XRCC4: variants seen among roughly 807,000 people sequenced by gnomAD.
XRCC4 encodes X-ray repair cross complementing 4, also known as DNA repair protein XRCC4.
A neutral mutation model predicts 39.1 loss-of-function variants in XRCC4; 28 were observed. The observed-to-expected ratio is 0.72, with a 90% CI of 0.53 to 0.98. XRCC4 has a LOEUF of 0.98. Among genes scored for constraint, XRCC4 ranks in the 50% least tolerant of loss-of-function variants. The probability of loss-of-function intolerance (pLI) is 0.00; values close to 1 mark genes in which losing one functional copy is unlikely to be tolerated. For synonymous variants in XRCC4, 123 were observed against 126.4 expected (o/e 0.97, Z 0.18); for missense variants, 350 against 376.4 (o/e 0.93, Z 0.58).
intron 7 of XRCC4, among the ~76,000 whole-genome samples, chr5:83,351,653 A>C (rs2112235528): frequency 6.6e-6 from 1 of 152,200 alleles, no homozygotes; most frequent in Admixed American, 6.5e-5. Context: ...AACATCGCAA[A>C]TCCCAGAGGG....
At chr5:83,257,757 A>T (rs906230576) in intron 6 of XRCC4, among the ~76,000 whole-genome samples, 1 of 152,136 alleles carries the variant, frequency 6.6e-6, no homozygotes, top group Non-Finnish European at 1.5e-5. Flanking sequence ...TTGCAGCTCT[A>T]TTTACAATAG....
the XRCC4 span, among the ~76,000 whole-genome samples, chr5:83,362,626 C>A: frequency 6.6e-6 from 1 of 152,086 alleles, no homozygotes; most frequent in Non-Finnish European, 1.5e-5. Flanking sequence ...ATACCAAATA[C>A]TGCCATTTCT....
At chr5:83,323,604 A>G (rs1756148150) in intron 7 of XRCC4, among the ~76,000 whole-genome samples, 1 of 151,886 alleles carries the variant, frequency 6.6e-6, no homozygotes, top group Non-Finnish European at 1.5e-5. Context: ...TTTTTGATTA[A>G]TACAAATTTT....
intron 3 of XRCC4, among the ~76,000 whole-genome samples, chr5:83,148,499 T>G (rs1282264084): frequency 6.6e-6 from 1 of 152,106 alleles, no homozygotes; most frequent in Non-Finnish European, 1.5e-5. Flanking sequence ...TCTGGGAGAG[T>G]TATTCTTTGA....
At chr5:83,182,042 T>G (rs1750229871) in intron 3 of XRCC4, among the ~76,000 whole-genome samples, 1 of 152,140 alleles carries the variant, frequency 6.6e-6, no homozygotes, top group Non-Finnish European at 1.5e-5. Flanking sequence ...ACAACTCCCT[T>G]TCCCCAAACA....
At chr5:83,142,446 T>C (rs888415428) in intron 3 of XRCC4, among the ~76,000 whole-genome samples, 5 of 152,266 alleles carry the variant, frequency 3.3e-5, no homozygotes, top group African/African-American at 1.2e-4. Flanking sequence ...TACAATACTA[T>C]ATATCATGTC....
At chr5:83,224,028 A>G (rs1561415589) in intron 6 of XRCC4, among the ~76,000 whole-genome samples, 3 of 151,928 alleles carry the variant, frequency 2.0e-5, no homozygotes, top group Non-Finnish European at 4.4e-5. Context: ...ATTGATGGAC[A>G]TTTGGGTTGG....
Position 83,262,078 on chromosome 5 carries a change from T to G in XRCC4, c.893+3401T>G, listed in dbSNP as rs971157918. On this transcript the variant is annotated intron_variant, in intron 7 of 7. Coordinates refer to ENST00000396027, the MANE Select transcript of XRCC4 (RefSeq NM_003401.5). ...GACAAGGTATAGAAGGAGAGAGAGATATAAAAATAAATCAGAATTTTGATA... is the reference window on the plus strand; with the variant it reads ...GACAAGGTATAGAAGGAGAGAGAGAGATAAAAATAAATCAGAATTTTGATA... Among the ~76,000 whole-genome samples the G allele has an allele frequency of 9.2e-5, 14 of 152,130 alleles. No individual in the cohort carries two copies. In the East Asian group the frequency reaches 2.7e-3, roughly 29 times the overall value.
At chr5:83,236,183 C>A (rs1752680268) in intron 6 of XRCC4, among the ~76,000 whole-genome samples, 1 of 152,040 alleles carries the variant, frequency 6.6e-6, no homozygotes, top group Admixed American at 6.6e-5. Context: ...TATCAAAATA[C>A]CAATGACATA....
intron 6 of XRCC4, among the ~76,000 whole-genome samples, chr5:83,225,799 C>A (rs7711825): frequency 0.27 from 40,623 of 151,242 alleles, 9,776 homozygotes; most frequent in East Asian, 0.65. Context: ...GCCTCTGCTA[C>A]GAGATAGTGA....
chr5:83,330,742 T>C (rs1756412956), intron 7 of XRCC4, among the ~76,000 whole-genome samples: 1 of 152,042 alleles, frequency 6.6e-6, no homozygotes, highest in Non-Finnish European at 1.5e-5. Context: ...GTATCAAATA[T>C]TACATAAAAT....
chr5:83,281,870 C>A (rs893581506), intron 7 of XRCC4, among the ~76,000 whole-genome samples: 3 of 152,138 alleles, frequency 2.0e-5, no homozygotes, highest in African/African-American at 7.2e-5. Flanking sequence ...GTATTCCCCC[C>A]AAAAAGGGGA....
intron 7 of XRCC4, among the ~76,000 whole-genome samples, chr5:83,326,265 C>T (rs1263654740): frequency 6.6e-6 from 1 of 152,012 alleles, no homozygotes; most frequent in African/African-American, 2.4e-5. Context: ...AAGTAGACCC[C>T]GTTTGTCAAT....
At chr5:83,364,054 A>G in the XRCC4 span, among the ~76,000 whole-genome samples, 2 of 152,176 alleles carry the variant, frequency 1.3e-5, no homozygotes, top group Admixed American at 1.3e-4. Flanking sequence ...CACTGGTACC[A>G]TTCAATGAAT....
intron 7 of XRCC4, among the ~76,000 whole-genome samples, chr5:83,336,762 C>G (rs1283472411): frequency 6.6e-6 from 1 of 152,138 alleles, no homozygotes; most frequent in Non-Finnish European, 1.5e-5. Context: ...GTTAGTGAGA[C>G]TTTTAGCCAT....
intron 3 of XRCC4, among the ~76,000 whole-genome samples, chr5:83,177,865 A>C (rs1191526676): frequency 6.6e-6 from 1 of 152,220 alleles, no homozygotes; most frequent in African/African-American, 2.4e-5. Context: ...TGACATAATC[A>C]GATTTACATC....
At chr5:83,097,465 G>C (rs966266879) in intron 1 of XRCC4, among the ~76,000 whole-genome samples, 9 of 151,550 alleles carry the variant, frequency 5.9e-5, no homozygotes, top group African/African-American at 2.2e-4. Context: ...GGGTTTGTGA[G>C]TGGGGGGAAA....
chr5:83,370,985 T>C, the XRCC4 span, among the ~76,000 whole-genome samples: 1 of 152,138 alleles, frequency 6.6e-6, no homozygotes, highest in Admixed American at 6.6e-5. Context: ...TCTTCATAAA[T>C]TATCTTGCAA....
chr5:83,244,076 CTAATT>C (rs3070936), intron 6 of XRCC4, among the ~76,000 whole-genome samples: 8,547 of 152,026 alleles, frequency 0.056, 866 homozygotes, highest in East Asian at 0.48. Flanking sequence ...AGTGGTGTAA[CTAATT>C]TAAAAGATAT....
Sources: allele counts gnomAD v4.1 joint callset (sites outside exome capture counted in the v4.1 genomes callset), GRCh38; gene constraint gnomAD v4.1.1; transcripts MANE v1.5; gene names NCBI Gene and HGNC (gene_info 2026-07-23, HGNC 2026-07-21).